Variants in GPAT3 observed in about 807,000 individuals in gnomAD.
The protein encoded by GPAT3 is 1-AGP acyltransferase 9.
In GPAT3, 53 loss-of-function variants were observed where a neutral mutation model predicts 58.8. The observed-to-expected ratio is 0.90, with a 90% CI of 0.72 to 1.13. The LOEUF is 1.13. Among genes scored for constraint, GPAT3 ranks in the 50% most tolerant of loss-of-function variants. The pLI is 0.00. For missense variants in GPAT3, 511 were observed against 527.6 expected (o/e 0.97, Z 0.31); for synonymous variants, 197 against 187.4 (o/e 1.05, Z -0.42).
chr4:83,546,384 T>G (rs1431995768), intron 2 of GPAT3, among the ~76,000 whole-genome samples: 1 of 151,748 alleles, frequency 6.6e-6, no homozygotes, highest in Non-Finnish European at 1.5e-5. Context: ...ATTTAGTTTT[T>G]TTTTTTTTTT....
intron 1 of GPAT3, among the ~76,000 whole-genome samples, chr4:83,543,171 G>A (rs1017429990): frequency 1.4e-4 from 22 of 151,958 alleles, no homozygotes; most frequent in Admixed American, 4.6e-4. Flanking sequence ...ATGATGATGC[G>A]GGCCTGTGGT....
chr4:83,575,410 TTTTA>T (rs950723466), intron 2 of GPAT3, among the ~76,000 whole-genome samples: 2 of 151,992 alleles, frequency 1.3e-5, no homozygotes, highest in African/African-American at 4.8e-5. Context: ...CCTAATTTTA[TTTTA>T]TTTATTTATT....
intron 2 of GPAT3, among the ~76,000 whole-genome samples, chr4:83,546,109 T>C (rs143703452): frequency 4.7e-4 from 71 of 152,250 alleles, no homozygotes; most frequent in Admixed American, 1.1e-3. Context: ...CTCAGCCTCC[T>C]GAGTAGCTGG....
At chr4:83,601,740 C>T (rs13112741) in intron 11 of GPAT3, among the ~76,000 whole-genome samples, 46,518 of 152,148 alleles carry the variant, frequency 0.31, 7,230 homozygotes, top group Middle Eastern at 0.43. Flanking sequence ...GGTGACAGAG[C>T]GAGACCCTGT....
intron 2 of GPAT3, among the ~76,000 whole-genome samples, chr4:83,548,602 C>T (rs912397741): frequency 5.3e-5 from 8 of 152,110 alleles, no homozygotes; most frequent in East Asian, 1.9e-4. Flanking sequence ...TACATAAAGG[C>T]GGTGGCTTGT....
At chr4:83,569,417 A>G (rs1725521138) in intron 2 of GPAT3, among the ~76,000 whole-genome samples, 1 of 152,228 alleles carries the variant, frequency 6.6e-6, no homozygotes, top group African/African-American at 2.4e-5. Context: ...ACCATTTTCT[A>G]TAAACCTTGC....
chr4:83,568,431 T>C (rs1299961506), intron 2 of GPAT3, among the ~76,000 whole-genome samples: 1 of 152,172 alleles, frequency 6.6e-6, no homozygotes, highest in East Asian at 1.9e-4. Flanking sequence ...ATAATCTATT[T>C]CTTCTAAGGC....
At position 83,598,117 on chromosome 4, in the gene GPAT3, C is replaced by A. The variant is rs143173203; in HGVS notation, c.1063C>A (p.Arg355=). ...SKYNMVSYLL[R]MMTSWAIVCD... ...ATACAACATGGTGAGCTACCTGCTT[C>A]GAATGATGACCAGCTGGGCCATCGT... is the stretch of plus-strand genomic sequence containing the variant. The change falls in exon 10 of 12, where the codon CGA becomes AGA. Residue 355 remains arginine, a synonymous_variant. Transcript: ENST00000264409. The A allele has an allele frequency of 3.1e-6, 5 of 1,613,510 alleles. No homozygotes were observed. In the East Asian group the frequency reaches 1.1e-4, roughly 36 times the overall value.
chr4:83,561,322 C>T (rs1302766859), intron 2 of GPAT3, among the ~76,000 whole-genome samples: 1 of 151,944 alleles, frequency 6.6e-6, no homozygotes, highest in Non-Finnish European at 1.5e-5. Context: ...ATATAACATG[C>T]TTGGTAGAAT....
chr4:83,542,037 G>T (rs1462853061), intron 1 of GPAT3, among the ~76,000 whole-genome samples: 1 of 151,702 alleles, frequency 6.6e-6, no homozygotes, highest in Non-Finnish European at 1.5e-5. Flanking sequence ...ACATTCTGAG[G>T]TACTGGGGGT....
At chr4:83,570,278 A>G (rs1725554188) in intron 2 of GPAT3, among the ~76,000 whole-genome samples, 1 of 152,206 alleles carries the variant, frequency 6.6e-6, no homozygotes, top group Admixed American at 6.5e-5. Flanking sequence ...GAGATAATAC[A>G]GAATACCTCA....
At chr4:83,593,601 CAATAT>C (rs1286246188) in intron 6 of GPAT3, among the ~76,000 whole-genome samples, 1 of 151,994 alleles carries the variant, frequency 6.6e-6, no homozygotes, top group African/African-American at 2.4e-5. Flanking sequence ...CCAACAATAT[CAATAT>C]GTTTACTCAT....
chr4:83,581,899 A>T, intron 3 of GPAT3, 67 bp downstream of exon 3: 1 of 1,540,134 alleles, frequency 6.5e-7, no homozygotes, highest in Non-Finnish European at 8.8e-7. Flanking sequence ...CATGTACATA[A>T]TGGCCACGTA....
In GPAT3 at chr4:83,560,385, G is replaced by A. The variant is rs910439209; in HGVS notation, c.208+15783G>A. Among the ~76,000 whole-genome samples, 8 of 152,066 alleles carry A rather than the reference G, an allele frequency of 5.3e-5. No individual in the cohort carries two copies. In the South Asian group the frequency reaches 8.3e-4, roughly 16 times the overall value. On this transcript the variant is annotated intron_variant, in intron 2 of 11. Coordinates refer to ENST00000264409, the MANE Select transcript of GPAT3 (RefSeq NM_032717.5). ...TCTCTGGTGTGGTGCCCAGGCAGCCGTACCTGCTCATTTCTTATTTATTTT... is the reference window on the plus strand; with the variant it reads ...TCTCTGGTGTGGTGCCCAGGCAGCCATACCTGCTCATTTCTTATTTATTTT...
intron 2 of GPAT3, among the ~76,000 whole-genome samples, chr4:83,579,689 A>G (rs1017390782): frequency 6.6e-6 from 1 of 152,184 alleles, no homozygotes; most frequent in African/African-American, 2.4e-5. Flanking sequence ...ATCATAAAAC[A>G]TTAGCCCTGT....
chr4:83,548,667 C>T (rs1724633108), intron 2 of GPAT3, among the ~76,000 whole-genome samples: 1 of 152,098 alleles, frequency 6.6e-6, no homozygotes, highest in East Asian at 1.9e-4. Context: ...GCATTGTTGG[C>T]CACAAAGTGC....
At chr4:83,539,477 A>G (rs1724216544) in intron 1 of GPAT3, among the ~76,000 whole-genome samples, 1 of 152,216 alleles carries the variant, frequency 6.6e-6, no homozygotes, top group Admixed American at 6.5e-5. Context: ...TCAATGGGTG[A>G]CTTTCTCATG....
chr4:83,544,035 CT>C (rs1222757489), intron 1 of GPAT3, among the ~76,000 whole-genome samples: 1 of 152,208 alleles, frequency 6.6e-6, no homozygotes, highest in East Asian at 1.9e-4. Context: ...TGTCCTACCC[CT>C]GAATGTCTAA....
In GPAT3 at chr4:83,536,217, T is replaced by G; in HGVS notation, c.-406T>G. Reference sequence around the variant, plus strand: ...TCGGGGAGGGCCTCCGTGAGTCATCTGCTGAGTTGTCGCAATCGCCACCCA... The same window carrying G: ...TCGGGGAGGGCCTCCGTGAGTCATCGGCTGAGTTGTCGCAATCGCCACCCA... On this transcript the variant is annotated 5_prime_UTR_variant, in exon 1 of 12. Coordinates refer to ENST00000264409, the MANE Select transcript of GPAT3 (RefSeq NM_032717.5). The G allele has an allele frequency of 1.0e-6, 1 of 992,668 alleles. No homozygotes were observed. The highest frequency in any genetic ancestry group is 1.7e-5 in the African/African-American group (1 of 57,638). 61.5% of individuals were successfully genotyped at this position (992,668 alleles called of 1,614,324 possible).
Sources: allele counts gnomAD v4.1 joint callset (sites outside exome capture counted in the v4.1 genomes callset), GRCh38; gene constraint gnomAD v4.1.1; transcripts MANE v1.5; gene names NCBI Gene and HGNC (gene_info 2026-07-23, HGNC 2026-07-21).